ITGAM: variants seen among roughly 807,000 people sequenced by gnomAD.
ITGAM encodes the protein integrin alpha-M.
Under a neutral mutation model 137.5 loss-of-function variants are expected in ITGAM, and 79 were observed. The observed-to-expected ratio is 0.57, with a 90% CI of 0.48 to 0.69. The LOEUF is 0.69. ITGAM is among the 30% of genes least tolerant of loss of function. The pLI is 0.00. For synonymous variants in ITGAM, 583 were observed against 592.3 expected, an observed-to-expected ratio of 0.98 and a Z score of 0.23; for missense variants, 1,343 against 1,483.5, an observed-to-expected ratio of 0.91 and a Z score of 1.56.
rs1289246320 is a variant in ITGAM, at chr16:31,272,098, CCCACCGGCAGA to C, written c.704+107_704+117del. ...AGACAGGGGTGGTAGAGGATGCTTC[CCCACCGGCAGA>C]GGTGGGGAGGCTGTGCGTGGTGTGT... On this transcript the variant is annotated intron_variant, in intron 7 of 29. Coordinates refer to ENST00000544665, the MANE Select transcript of ITGAM (RefSeq NM_000632.4). The C allele has an allele frequency of 3.7e-6, 5 of 1,359,910 alleles. No homozygotes were observed. The Middle Eastern group carries it at 7.4e-4, about 202-fold the overall frequency. 84.2% of individuals were successfully genotyped at this position (1,359,910 alleles called of 1,614,324 possible). A position where few individuals can be genotyped will look rare whatever the true frequency, so the allele number is the denominator to read the frequency against.
chr16:31,264,072 G>A (rs144912130), intron 2 of ITGAM, among the ~76,000 whole-genome samples: 16,575 of 151,768 alleles, frequency 0.11, 1,022 homozygotes, highest in Middle Eastern at 0.19. Context: ...TCCTGACCTC[G>A]TGATCCACTT....
At position 31,278,069 on chromosome 16, in the gene ITGAM, C is replaced by T; in HGVS notation, c.1316C>T (p.Thr439Ile). The T allele has an allele frequency of 6.2e-7, 1 of 1,608,696 alleles. No individual in the cohort carries two copies. The highest frequency in any genetic ancestry group is 8.5e-7 in the Non-Finnish European group (1 of 1,177,666). ...CTGGTAGCGATGTTCAGGCAGAACA[C>T]TGGCATGTGGGAGTCCAACGCTAAT... ...IGLVAMFRQN[T>I]GMWESNANVK... The change falls in exon 12 of 30, where the codon ACT becomes ATT. Residue 439 changes from threonine (T) to isoleucine (I), a missense_variant. Transcript: ENST00000544665.
rs1273881021 is a variant in ITGAM at position 31,261,754 on chromosome 16, G to A, written c.91G>A (p.Ala31Thr). 1.9e-6 allele frequency: 3 copies of A among 1,613,230 alleles called. No homozygotes were observed. Among genetic ancestry groups the A allele is most frequent in the Admixed American group, 1.7e-5 (1 of 59,898 alleles). ...AAACGCAATGACCTTCCAAGAGAAC[G>A]CAAGGGGCTTCGGGCAGAGCGTGGT... The part of the protein sequence containing the change: ...TENAMTFQEN[A>T]RGFGQSVVQL... The change falls in exon 2 of 30, where the codon GCA (alanine) becomes ACA (threonine). Residue 31 changes from alanine (A) to threonine (T), a missense_variant. Transcript: ENST00000544665.
chr16:31,325,053 C>A (rs777470557), intron 19 of ITGAM, 22 bp downstream of exon 19: 3 of 1,596,652 alleles, frequency 1.9e-6, no homozygotes, highest in Admixed American at 3.4e-5. Context: ...TTCCTCCTCA[C>A]CTCCTCCAGA....
chr16:31,272,147 A>G (rs2079848249), intron 7 of ITGAM, among the ~76,000 whole-genome samples, 155 bp downstream of exon 7: 1 of 151,636 alleles, frequency 6.6e-6, no homozygotes. Context: ...ATCAAAGGAC[A>G]AGTTGTGAGT....
intron 2 of ITGAM, among the ~76,000 whole-genome samples, chr16:31,265,014 C>T (rs894125361): frequency 1.3e-5 from 2 of 152,018 alleles, no homozygotes; most frequent in African/African-American, 2.4e-5. Flanking sequence ...ATTACAGGTA[C>T]GCACCACCAC....
At chr16:31,300,269 A>G (rs1029733648) in intron 14 of ITGAM, among the ~76,000 whole-genome samples, 4 of 152,234 alleles carry the variant, frequency 2.6e-5, no homozygotes, top group Admixed American at 2.0e-4. Flanking sequence ...CTTTAAGATC[A>G]TAATCCCCAT....
intron 12 of ITGAM, among the ~76,000 whole-genome samples, chr16:31,292,733 A>C (rs988250559): frequency 6.6e-6 from 1 of 152,102 alleles, no homozygotes. Context: ...ATTCATGTGC[A>C]TGTGTCTTTA....
In ITGAM at chr16:31,331,664, A is replaced by G. The variant is rs2080585680; in HGVS notation, c.3416A>G (p.Asp1139Gly). 1 of 1,609,920 alleles carries G rather than the reference A, an allele frequency of 6.2e-7. No homozygotes were observed. ...KLGFFKRQYK[D>G]MMSEGGPPGA... is the part of the protein sequence containing the mutation. ...GGCTTCTTCAAGCGGCAATACAAGGACATGATGAGTGAAGGGGGTCCCCCG... is the reference window on the plus strand; with the variant it reads ...GGCTTCTTCAAGCGGCAATACAAGGGCATGATGAGTGAAGGGGGTCCCCCG... Residue 1139 changes from aspartate to glycine, a missense_variant, in exon 30 of 30, where the codon GAC becomes GGC. Transcript: ENST00000544665.
intron 8 of ITGAM, 137 bp downstream of exon 8, chr16:31,273,655 T>C: frequency 1.3e-6 from 1 of 794,548 alleles, no homozygotes. Context: ...GTATCAGCTA[T>C]CTGTTGCCAC....
intron 28 of ITGAM, 47 bp from the exon 29 acceptor site, chr16:31,331,118 C>T (rs762007543): frequency 1.0e-6 from 1 of 1,004,832 alleles, no homozygotes; most frequent in Non-Finnish European, 1.6e-6. Context: ...GGGGAACCCC[C>T]AGAAATCCAG....
chr16:31,276,862 A>G (rs2144310136), intron 10 of ITGAM, 58 bp from the exon 11 acceptor site: 2 of 1,593,634 alleles, frequency 1.3e-6, no homozygotes, highest in Non-Finnish European at 1.7e-6. Context: ...TAGCTCTGTG[A>G]GGGGCAGCGG....
intron 2 of ITGAM, among the ~76,000 whole-genome samples, chr16:31,263,884 G>A (rs1460287665): frequency 6.6e-6 from 1 of 151,006 alleles, no homozygotes; most frequent in East Asian, 2.0e-4. Context: ...CGTCCAGGCT[G>A]GAGTGCAGTG....
intron 9 of ITGAM, among the ~76,000 whole-genome samples, chr16:31,276,226 A>G (rs2079904760): frequency 6.6e-6 from 1 of 152,176 alleles, no homozygotes; most frequent in Admixed American, 6.6e-5. Context: ...AGAGGGACGT[A>G]TGCTGTCCAG....
chr16:31,327,872 G>C (rs989982143), intron 22 of ITGAM, among the ~76,000 whole-genome samples: 1 of 152,094 alleles, frequency 6.6e-6, no homozygotes, highest in African/African-American at 2.4e-5. Flanking sequence ...AATCATATTT[G>C]CATGTTAGAA....
At chr16:31,330,978 GAGAT>G (rs1445223383) in intron 28 of ITGAM, among the ~76,000 whole-genome samples, 183 bp from the exon 29 acceptor site, 2 of 151,698 alleles carry the variant, frequency 1.3e-5, no homozygotes, top group African/African-American at 2.4e-5. Context: ...GCGATAGAGA[GAGAT>G]AGAGGACAGA....
intron 23 of ITGAM, 123 bp from the exon 24 acceptor site, chr16:31,329,105 A>ACACCCC: frequency 1.1e-5 from 1 of 88,828 alleles, no homozygotes; most frequent in Non-Finnish European, 2.3e-5. Context: ...CCCCATCTCC[A>ACACCCC]CCCCCCAGGA....
chr16:31,287,259 T>C (rs2080038446), intron 12 of ITGAM, among the ~76,000 whole-genome samples: 1 of 152,182 alleles, frequency 6.6e-6, no homozygotes, highest in Non-Finnish European at 1.5e-5. Flanking sequence ...TTTGTACCAG[T>C]ACCATACTGT....
intron 14 of ITGAM, among the ~76,000 whole-genome samples, chr16:31,305,218 C>T (rs970887616): frequency 1.3e-5 from 2 of 151,962 alleles, no homozygotes; most frequent in Non-Finnish European, 2.9e-5. Flanking sequence ...ATTTTTGTAG[C>T]TGTTATAAAA....
Sources: allele counts gnomAD v4.1 joint callset (sites outside exome capture counted in the v4.1 genomes callset), GRCh38; gene constraint gnomAD v4.1.1; transcripts MANE v1.5; gene names NCBI Gene and HGNC (gene_info 2026-07-23, HGNC 2026-07-21).